IMP4: variants seen among roughly 807,000 people sequenced by gnomAD.
IMP4 encodes U3 small nucleolar ribonucleoprotein IMP4.
Under a neutral mutation model 42.7 loss-of-function variants are expected in IMP4, and 30 were observed. That is an observed-to-expected ratio of 0.70 (90% CI 0.53 to 0.95). The LOEUF is 0.95. IMP4 is among the 40% of genes least tolerant of loss of function. The probability of loss-of-function intolerance (pLI) is 0.00; values close to 1 mark genes in which losing one functional copy is unlikely to be tolerated. For synonymous variants in IMP4, 165 were observed against 165.2 expected (o/e 1.00, Z 0.01); for missense variants, 382 against 411.4 (o/e 0.93, Z 0.62).
chr2:130,345,235 C>T lies in IMP4; in HGVS notation c.197-141C>T, dbSNP rs1485294798. ...CAGCAGCCAGAGTAGTTGGAGGCTG[C>T]CCTCTTGCCCGGTGTGCATGTGGAG... On this transcript the variant is annotated intron_variant, in intron 3 of 8. Transcript: ENST00000259239. This position sits in a 1 kb window ranked among gnomAD's most constrained non-coding sequence, Gnocchi z 4.9. 6.0e-6 allele frequency: 4 copies of T among 665,334 alleles called. No homozygotes were observed. Among genetic ancestry groups the T allele is most frequent in the Non-Finnish European group, 8.2e-6 (3 of 366,896 alleles). 41.2% of individuals were successfully genotyped at this position (665,334 alleles called of 1,614,324 possible).
In IMP4 at chr2:130,345,359, C is replaced by T. The variant is rs562079784; in HGVS notation, c.197-17C>T. 6.3e-7 allele frequency: 1 copy of T among 1,595,262 alleles called. No individual in the cohort carries two copies. Among genetic ancestry groups the T allele is most frequent in the African/African-American group, 1.3e-5 (1 of 74,592 alleles). On this transcript the variant is annotated splice_polypyrimidine_tract_variant and intron_variant, in intron 3 of 8. Coordinates refer to ENST00000259239, the MANE Select transcript of IMP4 (RefSeq NM_033416.3). This position sits in a 1 kb window ranked among gnomAD's most constrained non-coding sequence, Gnocchi z 4.9. The stretch of plus-strand genomic sequence containing the variant: ...TTCCCAAGACTGTCATGTTCTTGCC[C>T]CTCGTGCTCCTGACAGGTGTGACCA...
chr2:130,344,932 T>TA, intron 3 of IMP4: 1 of 589,986 alleles, frequency 1.7e-6, no homozygotes, highest in Non-Finnish European at 3.0e-6. Context: ...CCTGGCTTGT[T>TA]AATTACCTCC....
rs149861823 is a variant in IMP4, at chr2:130,345,419, C to T, written c.240C>T (p.Val80=). 5.1e-5 allele frequency: 83 copies of T among 1,613,918 alleles called. No individual in the cohort carries two copies. Among genetic ancestry groups the T allele is most frequent in the African/African-American group, 3.9e-4 (29 of 74,876 alleles). The change falls in exon 4 of 9, where the codon GTC becomes GTT. Residue 80 remains valine, a synonymous_variant. Transcript: ENST00000259239. The surrounding 1 kb of genome is among the most constrained non-coding windows in gnomAD (Gnocchi z 4.9). ...ATGATGAATACCGATGGGCAGGAGT[C>T]GAGGATCCCAAGGTTATGATCACTA... The part of the protein sequence containing the change: ...HVDDEYRWAG[V]EDPKVMITTS...
chr2:130,345,517 C>T lies in IMP4; in HGVS notation c.306+32C>T. On this transcript the variant is annotated intron_variant, in intron 4 of 8. Coordinates refer to ENST00000259239, the MANE Select transcript of IMP4 (RefSeq NM_033416.3). The surrounding 1 kb of genome is among the most constrained non-coding windows in gnomAD (Gnocchi z 4.9). ...GTGAGCAGGGAGTGAGGGAGAGACACCCAGGACACACAGCCCCAGTCCTGA... is the reference window on the plus strand; with the variant it reads ...GTGAGCAGGGAGTGAGGGAGAGACATCCAGGACACACAGCCCCAGTCCTGA... 6.2e-7 allele frequency: 1 copy of T among 1,614,046 alleles called. No individual in the cohort carries two copies. The highest frequency in any genetic ancestry group is 8.5e-7 in the Non-Finnish European group (1 of 1,179,950).
chr2:130,345,655 G>T lies in IMP4; in HGVS notation c.395G>T (p.Gly132Val), dbSNP rs1679484799. 7 of 1,613,952 alleles carry T rather than the reference G, an allele frequency of 4.3e-6. No individual in the cohort carries two copies. Among genetic ancestry groups the T allele is most frequent in the African/African-American group, 1.3e-5 (1 of 74,898 alleles). ...CTGGTGCGAGCCTGCAAAGCCAACG[G>T]CGTCACCGATCTGCTGGTCGTTCAC... is the stretch of plus-strand genomic sequence containing the variant. ...GALVRACKAN[G>V]VTDLLVVHEH... The change falls in exon 5 of 9, where the codon GGC (glycine) becomes GTC (valine). Residue 132 changes from glycine to valine, a missense_variant. Coordinates refer to ENST00000259239, the MANE Select transcript of IMP4 (RefSeq NM_033416.3). The surrounding 1 kb of genome is among the most constrained non-coding windows in gnomAD (Gnocchi z 4.9).
At position 130,346,483 on chromosome 2, in the gene IMP4, C is replaced by T. The variant is rs771788273; in HGVS notation, c.*15C>T. 1 of 1,521,782 alleles carries T rather than the reference C, an allele frequency of 6.6e-7. No individual in the cohort carries two copies. The highest frequency in any genetic ancestry group is 1.2e-5 in the South Asian group (1 of 83,500). The allele number at this position is 1,521,782 out of a possible 1,614,324, so 94.3% of individuals were successfully genotyped here. ...GCACCGAGTGAGCACACTCACCACT[C>T]AGTCAGGACATGGACTTGGAACTCA... is the stretch of plus-strand genomic sequence containing the variant. On this transcript the variant is annotated 3_prime_UTR_variant, in exon 9 of 9. Coordinates refer to ENST00000259239, the MANE Select transcript of IMP4 (RefSeq NM_033416.3).
intron 3 of IMP4, chr2:130,344,922 C>A: frequency 1.7e-6 from 1 of 593,538 alleles, no homozygotes; most frequent in Non-Finnish European, 3.0e-6. Context: ...TGACTCTGCA[C>A]CTGGCTTGTT....
In IMP4 at chr2:130,347,096, C is replaced by T. The variant is rs1449308263; in HGVS notation, c.*628C>T. ...TCCGTCCACCAATAGACACTTAGGT[C>T]GTTTTCATAGTTTGGCAGTTGTGGA... On this transcript the variant is annotated 3_prime_UTR_variant, in exon 9 of 9. Transcript: ENST00000259239. The T allele has an allele frequency of 6.5e-6, 1 of 153,604 alleles. No individual in the cohort carries two copies. The highest frequency in any genetic ancestry group is 1.4e-5 in the Non-Finnish European group (1 of 69,040). The allele number at this position is 153,604 out of a possible 1,614,324, so 9.5% of individuals were successfully genotyped here. A position where few individuals can be genotyped will look rare whatever the true frequency, so the allele number is the denominator to read the frequency against.
At chr2:130,343,978 C>CTT (rs1230176769) in intron 2 of IMP4, among the ~76,000 whole-genome samples, 1 of 152,184 alleles carries the variant, frequency 6.6e-6, no homozygotes, top group South Asian at 2.1e-4. Context: ...TGTCTGAGAG[C>CTT]TTAAAGGTCT....
Position 130,342,949 on chromosome 2 carries a change from C to T in IMP4, c.3+14C>T, listed in dbSNP as rs201588810. ...GCACTCAAGATGGTAGGAGAATGAGCTCCTGTTTCGGAGGTCCGGGGCGCG... is the reference window on the plus strand; with the variant it reads ...GCACTCAAGATGGTAGGAGAATGAGTTCCTGTTTCGGAGGTCCGGGGCGCG... On this transcript the variant is annotated intron_variant, in intron 1 of 8. Coordinates refer to ENST00000259239, the MANE Select transcript of IMP4 (RefSeq NM_033416.3). 1.6e-4 allele frequency: 253 copies of T among 1,614,178 alleles called. 1 individual carries two copies. In the East Asian group the frequency reaches 3.6e-3, roughly 23 times the overall value.
In IMP4 at chr2:130,345,419, C is replaced by G. The variant is rs149861823; in HGVS notation, c.240C>G (p.Val80=). ...HVDDEYRWAG[V]EDPKVMITTS... is the part of the protein sequence containing the mutation. Reference sequence around the variant, plus strand: ...ATGATGAATACCGATGGGCAGGAGTCGAGGATCCCAAGGTTATGATCACTA... The same window carrying G: ...ATGATGAATACCGATGGGCAGGAGTGGAGGATCCCAAGGTTATGATCACTA... The change falls in exon 4 of 9, where the codon GTC becomes GTG. Residue 80 remains valine (V), a synonymous_variant. Coordinates refer to ENST00000259239, the MANE Select transcript of IMP4 (RefSeq NM_033416.3). This position sits in a 1 kb window ranked among gnomAD's most constrained non-coding sequence, Gnocchi z 4.9. 1.2e-6 allele frequency: 2 copies of G among 1,614,038 alleles called. No individual in the cohort carries two copies. The highest frequency in any genetic ancestry group is 1.3e-5 in the African/African-American group (1 of 75,000).
rs752813490 is a variant in IMP4, at chr2:130,345,450, C to T, written c.271C>T (p.Arg91Ter). The T allele has an allele frequency of 1.5e-5, 25 of 1,613,908 alleles. No homozygotes were observed. In the East Asian group the frequency reaches 2.7e-4, roughly 17 times the overall value. ...EDPKVMITTS[R>*]DPSSRLKMFA... ...TCCCAAGGTTATGATCACTACCTCC[C>T]GAGACCCCAGTTCCCGCCTCAAGAT... The change falls in exon 4 of 9, where the codon CGA (arginine) becomes TGA (stop). Residue 91 changes from arginine to a stop codon, truncating the protein, a stop_gained. Transcript: ENST00000259239. LOFTEE classifies it high-confidence loss of function. This position sits in a 1 kb window ranked among gnomAD's most constrained non-coding sequence, Gnocchi z 4.9.
intron 2 of IMP4, 40 bp from the exon 3 acceptor site, chr2:130,344,589 T>A (rs746618353): frequency 1.5e-6 from 2 of 1,363,110 alleles, no homozygotes; most frequent in Non-Finnish European, 2.1e-6. Context: ...GAGGTCTCCA[T>A]GCTTGTGACT....
chr2:130,345,366 C>T lies in IMP4; in HGVS notation c.197-10C>T. 6.2e-7 allele frequency: 1 copy of T among 1,607,156 alleles called. No homozygotes were observed. The highest frequency in any genetic ancestry group is 1.3e-5 in the African/African-American group (1 of 74,922). On this transcript the variant is annotated splice_polypyrimidine_tract_variant and intron_variant, in intron 3 of 8. Coordinates refer to ENST00000259239, the MANE Select transcript of IMP4 (RefSeq NM_033416.3). The surrounding 1 kb of genome is among the most constrained non-coding windows in gnomAD (Gnocchi z 4.9). ...GACTGTCATGTTCTTGCCCCTCGTG[C>T]TCCTGACAGGTGTGACCAGCCACGT...
rs1437436040 is a variant in IMP4 at position 130,345,831 on chromosome 2, G to A, written c.492G>A (p.Leu164=). ...LPFGPTAYFT[L]CNVVMRHDIP... is the part of the protein sequence containing the mutation. ...TTGGTCCTACTGCCTACTTCACGCT[G>A]TGCAATGTGGTCATGCGGCATGACA... The change falls in exon 6 of 9, where the codon CTG becomes CTA. Residue 164 remains leucine, a synonymous_variant. Coordinates refer to ENST00000259239, the MANE Select transcript of IMP4 (RefSeq NM_033416.3). The surrounding 1 kb of genome is among the most constrained non-coding windows in gnomAD (Gnocchi z 4.9). The A allele has an allele frequency of 6.2e-7, 1 of 1,614,120 alleles. No homozygotes were observed.
At position 130,344,729 on chromosome 2, in the gene IMP4, G is replaced by T. The variant is rs1266758398; in HGVS notation, c.196+17G>T. ...GAGGTGAAGGTAACTATACAAGGTA[G>T]CCCTCCCCAACACTGAGCTGGCAGG... On this transcript the variant is annotated intron_variant, in intron 3 of 8. Coordinates refer to ENST00000259239, the MANE Select transcript of IMP4 (RefSeq NM_033416.3). 1 of 1,574,862 alleles carries T rather than the reference G, an allele frequency of 6.3e-7. No homozygotes were observed. Among genetic ancestry groups the T allele is most frequent in the Admixed American group, 1.7e-5 (1 of 59,982 alleles).
chr2:130,344,997 C>T (rs1679408827), intron 3 of IMP4: 2 of 565,550 alleles, frequency 3.5e-6, no homozygotes, highest in African/African-American at 3.8e-5. Context: ...TATTGGTGCC[C>T]ATACGTTTAT....
chr2:130,343,409 A>C, intron 2 of IMP4: 1 of 711,734 alleles, frequency 1.4e-6, no homozygotes, highest in Non-Finnish European at 2.6e-6. Context: ...CGCTGTGTGC[A>C]GTGTGTCAAG....
At position 130,346,472 on chromosome 2, in the gene IMP4, C is replaced by T. The variant is rs1367984461; in HGVS notation, c.*4C>T. ...AGTCTTCCTGAGCACCGAGTGAGCA[C>T]ACTCACCACTCAGTCAGGACATGGA... is the stretch of plus-strand genomic sequence containing the variant. On this transcript the variant is annotated 3_prime_UTR_variant, in exon 9 of 9. Transcript: ENST00000259239. 6.5e-7 allele frequency: 1 copy of T among 1,541,638 alleles called. No homozygotes were observed. The highest frequency in any genetic ancestry group is 8.8e-7 in the Non-Finnish European group (1 of 1,137,356).
Sources: gnomAD v4.1 joint callset for allele counts (sites outside exome capture counted in the v4.1 genomes callset) on GRCh38, gnomAD v4.1.1 for gene constraint, Gnocchi (gnomAD v3.1) non-coding constraint, MANE v1.5 for transcripts, NCBI Gene and HGNC (gene_info 2026-07-23, HGNC 2026-07-21) for gene names.